HPSE2: variants seen among roughly 807,000 people sequenced by gnomAD.
The protein encoded by HPSE2 is heparanase 2 (inactive).
In HPSE2, 38 loss-of-function variants were observed where a neutral mutation model predicts 60.5. The observed-to-expected ratio is 0.63, with a 90% CI of 0.48 to 0.82. HPSE2 has a LOEUF of 0.82. HPSE2 is among the 40% of genes least tolerant of loss of function. HPSE2 has a pLI of 0.00. For missense variants in HPSE2, 713 were observed against 740.4 expected, an observed-to-expected ratio of 0.96 and a Z score of 0.43; for synonymous variants, 295 against 293.2, an observed-to-expected ratio of 1.01 and a Z score of -0.06.
intron 2 of HPSE2, among the ~76,000 whole-genome samples, chr10:99,199,100 T>G (rs1343406726): frequency 1.3e-5 from 2 of 152,216 alleles, no homozygotes; most frequent in Non-Finnish European, 2.9e-5. Flanking sequence ...AATGGACATT[T>G]AGGTTGTTTC....
intron 8 of HPSE2, among the ~76,000 whole-genome samples, chr10:98,618,068 A>C (rs764626705): frequency 1.3e-5 from 2 of 152,122 alleles, no homozygotes; most frequent in Admixed American, 1.3e-4. Context: ...ACAGGAAGCA[A>C]TTTATGCCCC....
At chr10:98,892,551 T>C (rs541488845) in intron 3 of HPSE2, among the ~76,000 whole-genome samples, 2 of 152,180 alleles carry the variant, frequency 1.3e-5, no homozygotes, top group African/African-American at 2.4e-5. Context: ...TCTCAGATGT[T>C]TCCTAAGCAG....
chr10:99,104,243 A>C (rs978109717), intron 3 of HPSE2, among the ~76,000 whole-genome samples: 1 of 152,158 alleles, frequency 6.6e-6, no homozygotes. Context: ...CATCTGGCAA[A>C]GGGCTAATAT....
the HPSE2 span, among the ~76,000 whole-genome samples, chr10:99,262,873 C>T: frequency 6.6e-6 from 1 of 152,144 alleles, no homozygotes; most frequent in Non-Finnish European, 1.5e-5. Flanking sequence ...CCTTTCCCCA[C>T]TCCCCTTGCC....
chr10:98,550,290 T>A (rs1351351218), intron 9 of HPSE2, among the ~76,000 whole-genome samples: 4 of 5,012 alleles, frequency 8.0e-4, no homozygotes, highest in Non-Finnish European at 7.5e-3. Context: ...ATGCTTAGCA[T>A]TTTTTTTTTT....
At chr10:98,911,990 C>T (rs926238699) in intron 3 of HPSE2, among the ~76,000 whole-genome samples, 30 of 152,120 alleles carry the variant, frequency 2.0e-4, no homozygotes, top group African/African-American at 5.3e-4. Context: ...AGAATTGTTA[C>T]GATAATTAAA....
At chr10:98,583,481 A>G (rs1326226772) in intron 9 of HPSE2, among the ~76,000 whole-genome samples, 2 of 152,218 alleles carry the variant, frequency 1.3e-5, no homozygotes, top group Non-Finnish European at 2.9e-5. Context: ...TGCCTTTAAA[A>G]TACAAGTTTT....
chr10:98,802,132 T>C (rs1056232308), intron 3 of HPSE2, among the ~76,000 whole-genome samples: 2 of 152,046 alleles, frequency 1.3e-5, no homozygotes, highest in East Asian at 1.9e-4. Context: ...GATATGCATA[T>C]ATAGAGGAAT....
At chr10:99,227,908 T>C (rs1173248031) in intron 2 of HPSE2, among the ~76,000 whole-genome samples, 8 of 149,546 alleles carry the variant, frequency 5.3e-5, no homozygotes, top group Non-Finnish European at 1.0e-4. Context: ...TACATATATA[T>C]ATATATACAT....
intron 3 of HPSE2, among the ~76,000 whole-genome samples, chr10:99,084,078 G>A (rs1843237574): frequency 6.8e-6 from 1 of 146,592 alleles, no homozygotes; most frequent in Non-Finnish European, 1.5e-5. Context: ...ATAGCTATTG[G>A]AAAAGGGCTG....
chr10:98,603,011 T>G (rs1589490392), intron 9 of HPSE2, among the ~76,000 whole-genome samples: 1 of 152,206 alleles, frequency 6.6e-6, no homozygotes, highest in East Asian at 1.9e-4. Flanking sequence ...CACAGATTAT[T>G]GGACTTCTGG....
intron 6 of HPSE2, among the ~76,000 whole-genome samples, chr10:98,655,039 G>A (rs1947021294): frequency 1.3e-5 from 2 of 152,140 alleles, no homozygotes; most frequent in African/African-American, 4.8e-5. Context: ...GTAAGTTGTG[G>A]GAGAAGGGAA....
chr10:98,788,700 C>T (rs1589825551), intron 3 of HPSE2, among the ~76,000 whole-genome samples: 1 of 151,886 alleles, frequency 6.6e-6, no homozygotes, highest in African/African-American at 2.4e-5. Context: ...TGGGAGTGAC[C>T]CGATTTTCCA....
chr10:99,201,368 T>A (rs764586247), intron 2 of HPSE2, among the ~76,000 whole-genome samples: 15 of 152,240 alleles, frequency 9.9e-5, no homozygotes, highest in Non-Finnish European at 1.9e-4. Flanking sequence ...CCTTCTAACC[T>A]AGGCAACCTC....
chr10:98,807,004 G>T (rs2484938), intron 3 of HPSE2, among the ~76,000 whole-genome samples: 1 of 152,114 alleles, frequency 6.6e-6, no homozygotes, highest in South Asian at 2.1e-4. Flanking sequence ...TTAGCTGGGC[G>T]TGGTGGCAGG....
At chr10:98,908,403 G>T (rs1201250327) in intron 3 of HPSE2, among the ~76,000 whole-genome samples, 1 of 152,070 alleles carries the variant, frequency 6.6e-6, no homozygotes, top group Non-Finnish European at 1.5e-5. Flanking sequence ...GTATATGGAG[G>T]CTGGGCGCAG....
intron 5 of HPSE2, among the ~76,000 whole-genome samples, chr10:98,720,001 T>C (rs1948884374): frequency 6.6e-6 from 1 of 151,832 alleles, no homozygotes; most frequent in Admixed American, 6.6e-5. Flanking sequence ...ACTCTGTGTT[T>C]AAAAAACAAC....
chr10:99,264,536 T>C, the HPSE2 span, among the ~76,000 whole-genome samples: 1 of 152,182 alleles, frequency 6.6e-6, no homozygotes. Flanking sequence ...TTTACCTAAA[T>C]GAATCTGGCC....
rs1941686331 is a variant in HPSE2, at chr10:98,492,487, A to G, written c.1321-2291T>C. Among the ~76,000 whole-genome samples the G allele has an allele frequency of 2.7e-5, 4 of 147,014 alleles. No individual in the cohort carries two copies. The South Asian group carries it at 6.6e-4, about 24-fold the overall frequency. ...ACTGCACTCCAGCCTGGGCAACAGA[A>G]CGAGATTCCGTCTCAAAAAAGACAA... On this transcript the variant is annotated intron_variant, in intron 9 of 11. Coordinates refer to ENST00000370552, the MANE Select transcript of HPSE2 (RefSeq NM_021828.5).
Sources: allele counts gnomAD v4.1 joint callset (sites outside exome capture counted in the v4.1 genomes callset), GRCh38; gene constraint gnomAD v4.1.1; transcripts MANE v1.5; gene names NCBI Gene and HGNC (gene_info 2026-07-23, HGNC 2026-07-21).